Variants in FOXK1 observed in about 807,000 individuals in gnomAD.
FOXK1 encodes the protein forkhead box K1.
Under a neutral mutation model 51.9 loss-of-function variants are expected in FOXK1, and 19 were observed. The observed-to-expected ratio is 0.37, with a 90% CI of 0.26 to 0.54. The LOEUF (loss-of-function observed/expected upper bound fraction) is 0.54, where lower values mean the gene tolerates loss of function less well. Ranked by LOEUF, FOXK1 falls within the 20% of genes least tolerant of loss-of-function variation. The pLI is 0.87. For synonymous variants in FOXK1, 537 were observed against 482.6 expected (o/e 1.11, Z -1.48); for missense variants, 870 against 1,032.7 (o/e 0.84, Z 2.16).
At chr7:4,757,227 A>C in intron 5 of FOXK1, 40 bp downstream of exon 5, 1 of 1,537,572 alleles carries the variant, frequency 6.5e-7, no homozygotes, top group Non-Finnish European at 8.8e-7. Context: ...CTGTTAGGAA[A>C]GCTGAGCTGC....
In FOXK1 at chr7:4,734,921, G is replaced by A. The variant is rs987647053; in HGVS notation, c.561-5917G>A. On this transcript the variant is annotated intron_variant, in intron 1 of 8. Transcript: ENST00000328914. The surrounding 1 kb of genome is among the most constrained non-coding windows in gnomAD (Gnocchi z 5.2). ...ATCTGTCACATTCATTTTAAAAATC[G>A]CCTCCGGAAGCTTTCACGGGCTCTT... is the stretch of plus-strand genomic sequence containing the variant. Among the ~76,000 whole-genome samples the A allele has an allele frequency of 1.3e-5, 2 of 152,158 alleles. No homozygotes were observed. Among genetic ancestry groups the A allele is most frequent in the African/African-American group, 4.8e-5 (2 of 41,434 alleles).
At chr7:4,736,081 G>A (rs778614102) in intron 1 of FOXK1, among the ~76,000 whole-genome samples, 3 of 152,066 alleles carry the variant, frequency 2.0e-5, no homozygotes, top group African/African-American at 4.8e-5. Flanking sequence ...CCTGGGAGGC[G>A]GAGGTTGCAG....
Position 4,735,617 on chromosome 7 carries a change from G to T in FOXK1, c.561-5221G>T, listed in dbSNP as rs550838709. ...GTCCTCCACAGATGGGCACTTGCTC[G>T]TACAGGAACCTTTCCGCCGGGCTGG... On this transcript the variant is annotated intron_variant, in intron 1 of 8. Transcript: ENST00000328914. The surrounding 1 kb of genome is among the most constrained non-coding windows in gnomAD (Gnocchi z 4.7). 1.8e-4 allele frequency among the ~76,000 whole-genome samples: 28 copies of T among 152,308 alleles called. No homozygotes were observed. Among genetic ancestry groups the T allele is most frequent in the Admixed American group, 1.5e-3 (23 of 15,294 alleles).
chr7:4,698,455 G>C (rs1779980541), intron 1 of FOXK1, among the ~76,000 whole-genome samples: 1 of 152,018 alleles, frequency 6.6e-6, no homozygotes. Context: ...CCCAAAAATG[G>C]GGTGGAGGAT....
chr7:4,684,509 A>G (rs2115025602), intron 1 of FOXK1, among the ~76,000 whole-genome samples: 1 of 152,324 alleles, frequency 6.6e-6, no homozygotes, highest in South Asian at 2.1e-4. Context: ...GCATTTTGGT[A>G]AAATCAGAAC....
At chr7:4,739,805 G>A (rs907112889) in intron 1 of FOXK1, among the ~76,000 whole-genome samples, 1 of 152,206 alleles carries the variant, frequency 6.6e-6, no homozygotes, top group African/African-American at 2.4e-5. Flanking sequence ...TCTTGAAAAT[G>A]TCTGCATAGG....
chr7:4,688,548 A>T (rs1779849973), intron 1 of FOXK1, among the ~76,000 whole-genome samples: 1 of 152,090 alleles, frequency 6.6e-6, no homozygotes, highest in Non-Finnish European at 1.5e-5. Flanking sequence ...GGCGCTCGCC[A>T]CGACACCTGG....
rs77539982 is a variant in FOXK1, at chr7:4,713,130, C to A, written c.561-27708C>A. ...ACATTTGTGGCTTGAAAAAAGAATT[C>A]TTTTCCTGCCCTATTAATTTGCTAG... On this transcript the variant is annotated intron_variant, in intron 1 of 8. Coordinates refer to ENST00000328914, the MANE Select transcript of FOXK1 (RefSeq NM_001037165.2). Among the ~76,000 whole-genome samples, 108 of 152,304 alleles carry A rather than the reference C, an allele frequency of 7.1e-4. 2 individuals carry two copies. In the East Asian group the frequency reaches 0.019, roughly 27 times the overall value.
Position 4,735,936 on chromosome 7 carries a change from T to A in FOXK1, c.561-4902T>A, listed in dbSNP as rs1385641758. 6.6e-6 allele frequency among the ~76,000 whole-genome samples: 1 copy of A among 152,098 alleles called. No homozygotes were observed. Among genetic ancestry groups the A allele is most frequent in the Non-Finnish European group, 1.5e-5 (1 of 68,032 alleles). On this transcript the variant is annotated intron_variant, in intron 1 of 8. Coordinates refer to ENST00000328914, the MANE Select transcript of FOXK1 (RefSeq NM_001037165.2). The surrounding 1 kb of genome is among the most constrained non-coding windows in gnomAD (Gnocchi z 4.7). ...TGAGAGGCTGATGCGGGTGGATCAC[T>A]TGAGGTCAGGAGTTCAAGACCAGCC... is the stretch of plus-strand genomic sequence containing the variant.
rs558722091 is a variant in FOXK1 at position 4,683,340 on chromosome 7, A to G, written c.560+472A>G. Among the ~76,000 whole-genome samples the G allele has an allele frequency of 3.3e-3, 494 of 150,078 alleles. No homozygotes were observed. The highest frequency in any genetic ancestry group is 5.2e-3 in the Non-Finnish European group (348 of 67,508). Reference sequence around the variant, plus strand: ...GGCCTGGACTCCGGGGTCATTCTGAACTCCCACTGGCCTGGATCCCTGGGG... The same window carrying G: ...GGCCTGGACTCCGGGGTCATTCTGAGCTCCCACTGGCCTGGATCCCTGGGG... On this transcript the variant is annotated intron_variant, in intron 1 of 8. Coordinates refer to ENST00000328914, the MANE Select transcript of FOXK1 (RefSeq NM_001037165.2). This position sits in a 1 kb window ranked among gnomAD's most constrained non-coding sequence, Gnocchi z 4.5.
At chr7:4,692,931 G>A (rs2115030515) in intron 1 of FOXK1, among the ~76,000 whole-genome samples, 1 of 152,124 alleles carries the variant, frequency 6.6e-6, no homozygotes, top group South Asian at 2.1e-4. Flanking sequence ...TTGAGATGGG[G>A]TCTTGCCGCG....
Position 4,743,152 on chromosome 7 carries a change from G to A in FOXK1, c.746+2129G>A, listed in dbSNP as rs1013233497. ...GTGTGCCCGCCTGGCCCTGTGCTGA[G>A]CAGTGCACATGCAGTATTTTATGTA... is the stretch of plus-strand genomic sequence containing the variant. On this transcript the variant is annotated intron_variant, in intron 2 of 8. Transcript: ENST00000328914. This position sits in a 1 kb window ranked among gnomAD's most constrained non-coding sequence, Gnocchi z 5.3. 6.6e-6 allele frequency among the ~76,000 whole-genome samples: 1 copy of A among 152,266 alleles called. No homozygotes were observed.
intron 2 of FOXK1, among the ~76,000 whole-genome samples, chr7:4,746,114 C>T (rs1340648910): frequency 6.6e-6 from 1 of 152,142 alleles, no homozygotes; most frequent in Non-Finnish European, 1.5e-5. Context: ...TTCCTGATTT[C>T]TCCAACGTGG....
chr7:4,737,467 T>G (rs1390588151), intron 1 of FOXK1, among the ~76,000 whole-genome samples: 1 of 150,668 alleles, frequency 6.6e-6, no homozygotes, highest in African/African-American at 2.5e-5. Flanking sequence ...TGTGCATGTG[T>G]GTGTGTGCGT....
At chr7:4,705,413 C>T (rs988185750) in intron 1 of FOXK1, among the ~76,000 whole-genome samples, 1 of 152,042 alleles carries the variant, frequency 6.6e-6, no homozygotes, top group Non-Finnish European at 1.5e-5. Flanking sequence ...AACTCGTGGG[C>T]TCAAGCGATC....
chr7:4,731,540 A>C lies in FOXK1; in HGVS notation c.561-9298A>C, dbSNP rs1780476150. The stretch of plus-strand genomic sequence containing the variant: ...TTTGGGAGGCCAAAGCGGGTGCATC[A>C]CCTGAGGTCAGGAGTTCAAGACCAG... On this transcript the variant is annotated intron_variant, in intron 1 of 8. Transcript: ENST00000328914. This position sits in a 1 kb window ranked among gnomAD's most constrained non-coding sequence, Gnocchi z 5.3. Among the ~76,000 whole-genome samples, 1 of 152,130 alleles carries C rather than the reference A, an allele frequency of 6.6e-6. No homozygotes were observed. The highest frequency in any genetic ancestry group is 6.5e-5 in the Admixed American group (1 of 15,270).
chr7:4,682,615 G>C lies in FOXK1; in HGVS notation c.307G>C (p.Gly103Arg), dbSNP rs531802798. Residue 103 changes from glycine to arginine, a missense_variant, in exon 1 of 9, where the codon GGG becomes CGG. Transcript: ENST00000328914. The surrounding 1 kb of genome is among the most constrained non-coding windows in gnomAD (Gnocchi z 7.6). The part of the protein sequence containing the change: ...AAAASVRQSP[G>R]PALARLEGRE... ...GGCCGCCTCGGTACGGCAGAGCCCG[G>C]GGCCGGCGCTGGCGCGGCTGGAGGG... 1 of 1,512,404 alleles carries C rather than the reference G, an allele frequency of 6.6e-7. No homozygotes were observed. Among genetic ancestry groups the C allele is most frequent in the South Asian group, 1.2e-5 (1 of 81,286 alleles). 93.7% of individuals were successfully genotyped at this position (1,512,404 alleles called of 1,614,324 possible).
In FOXK1 at chr7:4,715,397, C is replaced by T. The variant is rs148643826; in HGVS notation, c.561-25441C>T. On this transcript the variant is annotated intron_variant, in intron 1 of 8. Transcript: ENST00000328914. This position sits in a 1 kb window ranked among gnomAD's most constrained non-coding sequence, Gnocchi z 4.5. Reference sequence around the variant, plus strand: ...GGTGGCCCGTGTACAGGAATGGGATCGCACGGTGGTCCAGATCGTCTGTGC... The same window carrying T: ...GGTGGCCCGTGTACAGGAATGGGATTGCACGGTGGTCCAGATCGTCTGTGC... 1.2e-4 allele frequency among the ~76,000 whole-genome samples: 18 copies of T among 152,166 alleles called. No individual in the cohort carries two copies. In the East Asian group the frequency reaches 2.9e-3, roughly 25 times the overall value.
rs886636919 is a variant in FOXK1, at chr7:4,715,744, G to A, written c.561-25094G>A. 3.3e-5 allele frequency among the ~76,000 whole-genome samples: 5 copies of A among 152,070 alleles called. No individual in the cohort carries two copies. Among genetic ancestry groups the A allele is most frequent in the African/African-American group, 4.8e-5 (2 of 41,396 alleles). ...GGTTGTCATTGGCCAAGCCAGCTCC[G>A]GGCACCCTGAGGTTCCCTCACAGCG... is the stretch of plus-strand genomic sequence containing the variant. On this transcript the variant is annotated intron_variant, in intron 1 of 8. Coordinates refer to ENST00000328914, the MANE Select transcript of FOXK1 (RefSeq NM_001037165.2). The surrounding 1 kb of genome is among the most constrained non-coding windows in gnomAD (Gnocchi z 4.5).
Sources: gnomAD v4.1 joint callset for allele counts (sites outside exome capture counted in the v4.1 genomes callset) on GRCh38, gnomAD v4.1.1 for gene constraint, Gnocchi (gnomAD v3.1) non-coding constraint, MANE v1.5 for transcripts, NCBI Gene and HGNC (gene_info 2026-07-23, HGNC 2026-07-21) for gene names.